The following OCA2 variants were observed in gnomAD, a reference collection of about 807,000 sequenced individuals.
The protein encoded by OCA2 is P protein.
Under a neutral mutation model 100.2 loss-of-function variants are expected in OCA2, and 77 were observed. The ratio of observed to expected loss-of-function variants is 0.77; its 90% confidence interval spans 0.64 to 0.93. The LOEUF (loss-of-function observed/expected upper bound fraction) is 0.93, where lower values mean the gene tolerates loss of function less well. OCA2 is among the 40% of genes least tolerant of loss of function. The pLI is 0.00. For synonymous variants in OCA2, 432 were observed against 439.2 expected (o/e 0.98, Z 0.21); for missense variants, 1,062 against 1,089.1 (o/e 0.98, Z 0.35).
chr15:27,803,484 C>T (rs1251960753), intron 23 of OCA2, among the ~76,000 whole-genome samples: 4 of 152,090 alleles, frequency 2.6e-5, no homozygotes, highest in Non-Finnish European at 4.4e-5. Flanking sequence ...AAGCCCATCA[C>T]GAAATGACAA....
chr15:27,734,715 C>T, the OCA2 span, among the ~76,000 whole-genome samples: 1 of 152,222 alleles, frequency 6.6e-6, no homozygotes, highest in Non-Finnish European at 1.5e-5. Context: ...CAGCCTTAGG[C>T]TTCCATTGTC....
At chr15:27,769,023 A>G (rs1374052715) in intron 23 of OCA2, among the ~76,000 whole-genome samples, 1 of 152,222 alleles carries the variant, frequency 6.6e-6, no homozygotes, top group Non-Finnish European at 1.5e-5. Context: ...GACTCCAGAT[A>G]CACAGGACAC....
At chr15:27,953,915 A>C (rs1168049763) in intron 17 of OCA2, among the ~76,000 whole-genome samples, 1 of 151,120 alleles carries the variant, frequency 6.6e-6, no homozygotes, top group Non-Finnish European at 1.5e-5. Context: ...CCCCACTCCC[A>C]CCCTTCCCCT....
chr15:27,979,623 A>G (rs1021869547), intron 14 of OCA2, among the ~76,000 whole-genome samples: 1 of 151,552 alleles, frequency 6.6e-6, no homozygotes, highest in Admixed American at 6.6e-5. Context: ...AGAGTTTATC[A>G]TATACATTTT....
rs75625455 is a variant in OCA2, at chr15:28,096,513, C to A, written c.-22+2711G>T. On this transcript the variant is annotated intron_variant, in intron 1 of 23. Coordinates refer to ENST00000354638, the MANE Select transcript of OCA2 (RefSeq NM_000275.3). ...TGCGGCCAAGAAGGCCTGAAGAAGC[C>A]CGTCCAGGGGTCAGCCTCCTCCTCA... Among the ~76,000 whole-genome samples the A allele has an allele frequency of 8.0e-3, 1,219 of 152,220 alleles. 22 individuals carry two copies. The highest frequency in any genetic ancestry group is 0.028 in the African/African-American group (1,171 of 41,544).
At chr15:27,786,313 G>C (rs959287976) in intron 23 of OCA2, among the ~76,000 whole-genome samples, 3 of 152,084 alleles carry the variant, frequency 2.0e-5, no homozygotes, top group African/African-American at 7.2e-5. Context: ...ATTTCTGAGG[G>C]GGAAAAAGCC....
At position 28,032,175 on chromosome 15, in the gene OCA2, A is replaced by C; in HGVS notation, c.228-12T>G. 2 of 1,583,614 alleles carry C rather than the reference A, an allele frequency of 1.3e-6. No homozygotes were observed. Among genetic ancestry groups the C allele is most frequent in the East Asian group, 4.5e-5 (2 of 44,724 alleles). On this transcript the variant is annotated splice_polypyrimidine_tract_variant and intron_variant, in intron 2 of 23. Coordinates refer to ENST00000354638, the MANE Select transcript of OCA2 (RefSeq NM_000275.3). ...AAGAAGAGTGAGACCTGAAAGAGAC[A>C]GGGTAGGAAACAGAATCACCAACAC...
chr15:27,813,212 G>A (rs866352380), intron 23 of OCA2, among the ~76,000 whole-genome samples: 20 of 152,226 alleles, frequency 1.3e-4, no homozygotes, highest in Middle Eastern at 3.4e-3. Context: ...CTGGACCACC[G>A]TCACCCAGCT....
At position 28,019,356 on chromosome 15, in the gene OCA2, G is replaced by C. The variant is rs531794380; in HGVS notation, c.647-799C>G. On this transcript the variant is annotated intron_variant, in intron 6 of 23. Coordinates refer to ENST00000354638, the MANE Select transcript of OCA2 (RefSeq NM_000275.3). ...AAGGAGAGCGGGAGACAAGGACGGCGCCCTTAACTGACCTGGTTGTAGAGG... is the reference window on the plus strand; with the variant it reads ...AAGGAGAGCGGGAGACAAGGACGGCCCCCTTAACTGACCTGGTTGTAGAGG... Among the ~76,000 whole-genome samples, 3 of 151,478 alleles carry C rather than the reference G, an allele frequency of 2.0e-5. No individual in the cohort carries two copies. The East Asian group carries it at 5.9e-4, about 30-fold the overall frequency.
chr15:27,968,227 G>A (rs892862669), intron 14 of OCA2, among the ~76,000 whole-genome samples: 3 of 152,226 alleles, frequency 2.0e-5, no homozygotes, highest in African/African-American at 7.2e-5. Context: ...GGACAGATGA[G>A]GCTCTTATCC....
intron 2 of OCA2, among the ~76,000 whole-genome samples, chr15:28,045,360 T>C (rs1314931812): frequency 6.6e-6 from 1 of 152,246 alleles, no homozygotes; most frequent in Admixed American, 6.5e-5. Flanking sequence ...ACACTGTGGT[T>C]CACATACAAG....
chr15:28,070,660 T>C (rs1451930365), intron 2 of OCA2, among the ~76,000 whole-genome samples: 1 of 148,420 alleles, frequency 6.7e-6, no homozygotes, highest in Non-Finnish European at 1.5e-5. Context: ...GTCTGGGAGG[T>C]GTGCCCAACA....
intron 3 of OCA2, among the ~76,000 whole-genome samples, chr15:28,028,838 A>G (rs1464582764): frequency 6.6e-6 from 1 of 152,064 alleles, no homozygotes; most frequent in Non-Finnish European, 1.5e-5. Flanking sequence ...GGCGTGCACC[A>G]CCATGCCCAA....
In OCA2 at chr15:28,082,955, C is replaced by T. The variant is rs544897314; in HGVS notation, c.-21-1060G>A. On this transcript the variant is annotated intron_variant, in intron 1 of 23. Transcript: ENST00000354638. ...TTTATTTTTTGCATTTTCAAGCAGC[C>T]GACAGCACCAGAAATGACCTTTGGC... Among the ~76,000 whole-genome samples, 60 of 152,236 alleles carry T rather than the reference C, an allele frequency of 3.9e-4. No homozygotes were observed. In the East Asian group the frequency reaches 5.8e-3, roughly 15 times the overall value.
At chr15:27,748,883 C>A in the OCA2 span, among the ~76,000 whole-genome samples, 26 of 151,632 alleles carry the variant, frequency 1.7e-4, no homozygotes, top group African/African-American at 5.6e-4. Flanking sequence ...AGAGTGGAGA[C>A]GACAGAGTAT....
At chr15:28,049,230 C>A (rs1194470799) in intron 2 of OCA2, among the ~76,000 whole-genome samples, 1 of 152,088 alleles carries the variant, frequency 6.6e-6, no homozygotes, top group East Asian at 1.9e-4. Flanking sequence ...AAAAGATGCT[C>A]AACATCATTA....
At chr15:27,829,259 G>A (rs961257545) in intron 23 of OCA2, among the ~76,000 whole-genome samples, 1 of 133,148 alleles carries the variant, frequency 7.5e-6, no homozygotes, top group Non-Finnish European at 1.6e-5. Flanking sequence ...GATTGATAGA[G>A]ACAAGAGATA....
At chr15:28,062,066 T>G (rs923684705) in intron 2 of OCA2, among the ~76,000 whole-genome samples, 2 of 152,218 alleles carry the variant, frequency 1.3e-5, no homozygotes, top group African/African-American at 4.8e-5. Context: ...TCTTTTCAAT[T>G]TTGTTGTGTA....
At chr15:27,846,956 TTCAGACATCAGACA>T (rs1395843773) in intron 22 of OCA2, among the ~76,000 whole-genome samples, 2 of 152,110 alleles carry the variant, frequency 1.3e-5, no homozygotes, top group African/African-American at 4.8e-5. Context: ...CTGCTCAGCC[TTCAGACATCAGACA>T]TCCACCCATC....
Sources: gnomAD v4.1 joint callset for allele counts (sites outside exome capture counted in the v4.1 genomes callset) on GRCh38, gnomAD v4.1.1 for gene constraint, MANE v1.5 for transcripts, NCBI Gene and HGNC (gene_info 2026-07-23, HGNC 2026-07-21) for gene names.